SYNE2: variants seen among roughly 807,000 people sequenced by gnomAD.
SYNE2 encodes spectrin repeat containing nuclear envelope protein 2, also known as nesprin-2.
In SYNE2, 431 loss-of-function variants were observed where a neutral mutation model predicts 856.3. The ratio of observed to expected loss-of-function variants is 0.50; its 90% CI spans 0.47 to 0.55. SYNE2 has a LOEUF of 0.55. Ranked by LOEUF, SYNE2 falls within the 20% of genes least tolerant of loss-of-function variation. The pLI, the probability that SYNE2 is intolerant of heterozygous loss-of-function variation, is 0.00. For missense variants in SYNE2, 8,129 were observed against 8,023.2 expected (o/e 1.01, Z -0.50); for synonymous variants, 2,923 against 2,872.3 (o/e 1.02, Z -0.56).
At chr14:64,019,361 A>T (rs1290630199) in intron 34 of SYNE2, among the ~76,000 whole-genome samples, 1 of 152,132 alleles carries the variant, frequency 6.6e-6, no homozygotes, top group African/African-American at 2.4e-5. Context: ...ATAAAAATGT[A>T]TGCTAATGCC....
At chr14:64,050,498 G>A (rs1037585809) in intron 47 of SYNE2, among the ~76,000 whole-genome samples, 36 of 152,228 alleles carry the variant, frequency 2.4e-4, no homozygotes, top group African/African-American at 8.2e-4. Flanking sequence ...TATGTTCTAT[G>A]GAATTCAGTA....
intron 2 of SYNE2, among the ~76,000 whole-genome samples, chr14:63,909,671 G>T (rs1402726756): frequency 1.3e-5 from 2 of 152,160 alleles, no homozygotes; most frequent in East Asian, 3.9e-4. Context: ...GGGAAACCCT[G>T]TCTCTACTAA....
chr14:64,225,664 A>C lies in SYNE2; in HGVS notation c.*138A>C. On this transcript the variant is annotated 3_prime_UTR_variant, in exon 116 of 116. Coordinates refer to ENST00000555002, the MANE Select transcript of SYNE2 (RefSeq NM_182914.3). ...CAGACTTCTTCTGGGCTTACCCAGCACGGGCTCCCTGGAGCCCAGGGCAGC... is the reference window on the plus strand; with the variant it reads ...CAGACTTCTTCTGGGCTTACCCAGCCCGGGCTCCCTGGAGCCCAGGGCAGC... 1.0e-6 allele frequency: 1 copy of C among 967,392 alleles called. No homozygotes were observed. Among genetic ancestry groups the C allele is most frequent in the Non-Finnish European group, 1.6e-6 (1 of 620,420 alleles). The allele number at this position is 967,392 out of a possible 1,614,324, so 59.9% of individuals were successfully genotyped here.
At chr14:63,885,645 A>G (rs1431707777) in intron 1 of SYNE2, among the ~76,000 whole-genome samples, 2 of 152,170 alleles carry the variant, frequency 1.3e-5, no homozygotes, top group Non-Finnish European at 2.9e-5. Flanking sequence ...TCTGTCACCT[A>G]GGCTGGACTG....
intron 57 of SYNE2, among the ~76,000 whole-genome samples, chr14:64,082,394 T>C (rs536556218): frequency 2.0e-5 from 3 of 151,556 alleles, no homozygotes; most frequent in Non-Finnish European, 4.4e-5. Context: ...TTTGAAAAAG[T>C]CCAAAATCTG....
Position 64,021,591 on chromosome 14 carries a change from T to G in SYNE2, c.5352+76T>G, listed in dbSNP as rs146961352. 2,402 of 1,545,764 alleles carry G rather than the reference T, an allele frequency of 1.6e-3. 21 individuals carry two copies. In the African/African-American group the frequency reaches 0.028, roughly 18 times the overall value. ...TTGCAGTTGTCTTGAGCTCTTAGAG[T>G]TAATAAAAATAGAAAAAAAAAGTCG... On this transcript the variant is annotated intron_variant, in intron 36 of 115. Coordinates refer to ENST00000555002, the MANE Select transcript of SYNE2 (RefSeq NM_182914.3).
intron 1 of SYNE2, among the ~76,000 whole-genome samples, chr14:63,774,551 T>C (rs544205921): frequency 6.6e-6 from 1 of 152,110 alleles, no homozygotes; most frequent in South Asian, 2.1e-4. Flanking sequence ...TTTTTCTTTT[T>C]TGAGACAGGG....
At chr14:63,897,429 G>A (rs1398320014) in intron 1 of SYNE2, among the ~76,000 whole-genome samples, 1 of 152,110 alleles carries the variant, frequency 6.6e-6, no homozygotes, top group African/African-American at 2.4e-5. Context: ...ATGAATCAGC[G>A]ACAGTTTATC....
Position 64,081,546 on chromosome 14 carries a change from T to G in SYNE2, c.11450T>G (p.Leu3817Trp). The G allele has an allele frequency of 6.2e-7, 1 of 1,614,178 alleles. No individual in the cohort carries two copies. Among genetic ancestry groups the G allele is most frequent in the Non-Finnish European group, 8.5e-7 (1 of 1,180,032 alleles). Residue 3817 changes from leucine (L) to tryptophan (W), a missense_variant, in exon 57 of 116, where the codon TTG becomes TGG. Coordinates refer to ENST00000555002, the MANE Select transcript of SYNE2 (RefSeq NM_182914.3). The stretch of plus-strand genomic sequence containing the variant: ...GCCAATCCTGCTGACTATGACTCTT[T>G]GAGGACACTGAGTCACCATGCTAGC... ...LLANPADYDSLRTLSHHASTV... is the reference protein window; with the variant it reads ...LLANPADYDSWRTLSHHASTV...
intron 1 of SYNE2, among the ~76,000 whole-genome samples, chr14:63,862,559 C>T (rs960352843): frequency 6.6e-6 from 1 of 151,914 alleles, no homozygotes. Flanking sequence ...TTGTCACTAC[C>T]GTGAATACAT....
At position 63,909,190 on chromosome 14, in the gene SYNE2, T is replaced by A. The variant is rs1426947935; in HGVS notation, c.42T>A (p.Gly14=). 1 of 1,612,722 alleles carries A rather than the reference T, an allele frequency of 6.2e-7. No individual in the cohort carries two copies. The part of the protein sequence containing the change: ...SPELPTEDEQ[G]SWGIDDLHIS... ...AGCTTCCCACCGAAGATGAACAGGG[T>A]TCCTGGGGCATCGACGATCTCCATA... is the stretch of plus-strand genomic sequence containing the variant. The change falls in exon 2 of 116, where the codon GGT becomes GGA. Residue 14 remains glycine (G), a synonymous_variant. Coordinates refer to ENST00000555002, the MANE Select transcript of SYNE2 (RefSeq NM_182914.3).
At chr14:63,780,841 T>C (rs901353452) in intron 1 of SYNE2, among the ~76,000 whole-genome samples, 1 of 152,108 alleles carries the variant, frequency 6.6e-6, no homozygotes, top group Non-Finnish European at 1.5e-5. Flanking sequence ...CACTTATCTG[T>C]AGTGAAAAAA....
intron 49 of SYNE2, among the ~76,000 whole-genome samples, chr14:64,057,104 A>T (rs1040252298): frequency 6.6e-6 from 1 of 152,094 alleles, no homozygotes; most frequent in African/African-American, 2.4e-5. Context: ...ATTCATTTCA[A>T]GCATTTATCT....
chr14:64,207,254 G>A lies in SYNE2; in HGVS notation c.18202-1504G>A, dbSNP rs550993533. ...ATATCAACCTAAACACTCAATGATC[G>A]GAATTGTGTATTTATATGAAGAAAA... is the stretch of plus-strand genomic sequence containing the variant. On this transcript the variant is annotated intron_variant, in intron 100 of 115. Coordinates refer to ENST00000555002, the MANE Select transcript of SYNE2 (RefSeq NM_182914.3). Among the ~76,000 whole-genome samples, 8 of 152,268 alleles carry A rather than the reference G, an allele frequency of 5.3e-5. No individual in the cohort carries two copies. The East Asian group carries it at 5.8e-4, about 11-fold the overall frequency.
chr14:63,941,582 G>C, intron 3 of SYNE2, 113 bp from the exon 4 acceptor site: 1 of 842,422 alleles, frequency 1.2e-6, no homozygotes, highest in South Asian at 1.5e-5. Context: ...TCTTAATTAA[G>C]AAGAAAGTCA....
intron 1 of SYNE2, among the ~76,000 whole-genome samples, chr14:63,846,074 G>T (rs1890220670): frequency 7.0e-6 from 1 of 143,644 alleles, no homozygotes; most frequent in Non-Finnish European, 1.5e-5. Context: ...CTTGAGACAA[G>T]GTTCTGGCTC....
chr14:63,973,130 C>G (rs2153460734), intron 11 of SYNE2, among the ~76,000 whole-genome samples: 1 of 152,186 alleles, frequency 6.6e-6, no homozygotes, highest in South Asian at 2.1e-4. Context: ...GTGGCACACA[C>G]CTGTAATCCC....
intron 66 of SYNE2, 83 bp downstream of exon 66, chr14:64,113,654 C>G: frequency 7.1e-7 from 1 of 1,413,008 alleles, no homozygotes; most frequent in South Asian, 1.2e-5. Flanking sequence ...TAAAGCAACA[C>G]TGTTTTTCTT....
chr14:63,948,607 G>T (rs1195930630), intron 6 of SYNE2, among the ~76,000 whole-genome samples: 1 of 149,794 alleles, frequency 6.7e-6, no homozygotes, highest in African/African-American at 2.5e-5. Flanking sequence ...GTTGCAGTGA[G>T]CCGAGATTGC....
Sources: allele counts gnomAD v4.1 joint callset (sites outside exome capture counted in the v4.1 genomes callset), GRCh38; gene constraint gnomAD v4.1.1; transcripts MANE v1.5; gene names NCBI Gene and HGNC (gene_info 2026-07-23, HGNC 2026-07-21).